SPEF2: variants seen among roughly 807,000 people sequenced by gnomAD.
SPEF2 encodes sperm flagellar and cilia associated 2, also known as sperm flagella and cilia-associated protein 2.
A neutral mutation model predicts 224.6 loss-of-function variants in SPEF2; 187 were observed. That is an observed-to-expected ratio of 0.83 (90% CI 0.74 to 0.94). The LOEUF (loss-of-function observed/expected upper bound fraction) is 0.94, where lower values mean the gene tolerates loss of function less well. SPEF2 is among the 40% of genes least tolerant of loss of function. The probability of loss-of-function intolerance (pLI) is 0.00; values close to 1 mark genes in which losing one functional copy is unlikely to be tolerated. For synonymous variants in SPEF2, 715 were observed against 707.3 expected, an observed-to-expected ratio of 1.01 and a Z score of -0.17; for missense variants, 2,170 against 2,135.6, an observed-to-expected ratio of 1.02 and a Z score of -0.32.
At chr5:35,742,212 A>G (rs1428819334) in intron 23 of SPEF2, among the ~76,000 whole-genome samples, 1 of 152,154 alleles carries the variant, frequency 6.6e-6, no homozygotes, top group Non-Finnish European at 1.5e-5. Context: ...ACAGATTTCT[A>G]TGTTTAGTCA....
rs1198007271 is a variant in SPEF2 at position 35,687,740 on chromosome 5, ATTAAG to A, written c.1525-3293_1525-3289del. Among the ~76,000 whole-genome samples, 7 of 152,310 alleles carry A rather than the reference ATTAAG, an allele frequency of 4.6e-5. No homozygotes were observed. The East Asian group carries it at 1.3e-3, about 29-fold the overall frequency. Reference sequence around the variant, plus strand: ...ACTAGCACTTTTGTTGTCATTAAACATTAAGTTAGATTAATTTGGAGGAGAATTAA... The same window carrying A: ...ACTAGCACTTTTGTTGTCATTAAACATTAGATTAATTTGGAGGAGAATTAA... On this transcript the variant is annotated intron_variant, in intron 10 of 36. Transcript: ENST00000356031.
chr5:35,775,081 A>T (rs929126529), intron 28 of SPEF2, among the ~76,000 whole-genome samples: 1 of 152,184 alleles, frequency 6.6e-6, no homozygotes, highest in Non-Finnish European at 1.5e-5. Flanking sequence ...GGAGACACAC[A>T]TTTATATGTA....
intron 3 of SPEF2, among the ~76,000 whole-genome samples, chr5:35,641,912 C>G (rs1746673603): frequency 6.6e-6 from 1 of 152,160 alleles, no homozygotes; most frequent in Middle Eastern, 3.4e-3. Context: ...AAACTCTTTT[C>G]CTAGTTTCCA....
At chr5:35,742,051 T>G (rs950216866) in intron 23 of SPEF2, among the ~76,000 whole-genome samples, 4 of 152,246 alleles carry the variant, frequency 2.6e-5, no homozygotes, top group Admixed American at 6.5e-5. Context: ...CAATGGTGGT[T>G]GTTTTTACAA....
At chr5:35,642,099 C>T (rs901927470) in intron 3 of SPEF2, among the ~76,000 whole-genome samples, 3 of 152,130 alleles carry the variant, frequency 2.0e-5, no homozygotes, top group Non-Finnish European at 4.4e-5. Context: ...CATATCTGCT[C>T]AGATCTTCTT....
At chr5:35,728,311 G>A (rs904364937) in intron 21 of SPEF2, among the ~76,000 whole-genome samples, 24 of 152,168 alleles carry the variant, frequency 1.6e-4, no homozygotes, top group African/African-American at 5.8e-4. Flanking sequence ...CTGGTGTAAG[G>A]CAAGGAGATG....
intron 23 of SPEF2, among the ~76,000 whole-genome samples, 164 bp from the exon 24 acceptor site, chr5:35,753,460 A>G (rs1481187300): frequency 2.6e-5 from 4 of 152,232 alleles, no homozygotes; most frequent in Non-Finnish European, 5.9e-5. Flanking sequence ...AAGAGACTCA[A>G]GATGAATATT....
chr5:35,675,329 A>T (rs1248946371), intron 10 of SPEF2, among the ~76,000 whole-genome samples: 1 of 152,206 alleles, frequency 6.6e-6, no homozygotes, highest in South Asian at 2.1e-4. Context: ...AATAGAAAGG[A>T]GCTGGGAAGG....
At chr5:35,628,735 G>A (rs1744636929) in intron 2 of SPEF2, among the ~76,000 whole-genome samples, 173 bp downstream of exon 2, 1 of 152,058 alleles carries the variant, frequency 6.6e-6, no homozygotes, top group Non-Finnish European at 1.5e-5. Flanking sequence ...GGGACTACAG[G>A]TGCATGCCAC....
chr5:35,788,538 G>T, intron 30 of SPEF2: 1 of 702,522 alleles, frequency 1.4e-6, no homozygotes, highest in Non-Finnish European at 2.6e-6. Context: ...AAGGTGCACT[G>T]TCAAATTGTT....
At chr5:35,767,146 G>A (rs1752194981) in intron 26 of SPEF2, among the ~76,000 whole-genome samples, 1 of 151,712 alleles carries the variant, frequency 6.6e-6, no homozygotes, top group South Asian at 2.1e-4. Flanking sequence ...GAATTATGAA[G>A]AGAGTTATAA....
chr5:35,644,388 T>A lies in SPEF2; in HGVS notation c.448T>A (p.Phe150Ile). The change falls in exon 4 of 37, where the codon TTC becomes ATC. Residue 150 changes from phenylalanine to isoleucine, a missense_variant. Coordinates refer to ENST00000356031, the MANE Select transcript of SPEF2 (RefSeq NM_024867.4). ...LRHMIPRQTD[F>I]NLMRITYRFQ... The stretch of plus-strand genomic sequence containing the variant: ...ACACATGATACCACGTCAAACTGAT[T>A]TCAATCTGATGCGGATTACATACAG... The A allele has an allele frequency of 6.2e-7, 1 of 1,603,164 alleles. No individual in the cohort carries two copies. The highest frequency in any genetic ancestry group is 8.5e-7 in the Non-Finnish European group (1 of 1,174,934).
chr5:35,725,201 C>T (rs1431087550), intron 20 of SPEF2, among the ~76,000 whole-genome samples: 1 of 152,198 alleles, frequency 6.6e-6, no homozygotes, highest in East Asian at 1.9e-4. Flanking sequence ...TTATTTAAGA[C>T]ACTCTAAATC....
chr5:35,626,100 C>T (rs754149249), intron 1 of SPEF2, among the ~76,000 whole-genome samples: 7 of 152,074 alleles, frequency 4.6e-5, no homozygotes, highest in Admixed American at 2.6e-4. Flanking sequence ...GTGTTCCAGG[C>T]GGTACAATAG....
Position 35,621,756 on chromosome 5 carries a change from G to C in SPEF2, c.58+3701G>C, listed in dbSNP as rs577284915. 3.3e-5 allele frequency among the ~76,000 whole-genome samples: 5 copies of C among 152,300 alleles called. No individual in the cohort carries two copies. The East Asian group carries it at 7.7e-4, about 23-fold the overall frequency. On this transcript the variant is annotated intron_variant, in intron 1 of 36. Coordinates refer to ENST00000356031, the MANE Select transcript of SPEF2 (RefSeq NM_024867.4). ...AGAATGCCAAGCCTGTGCATTTGCTGCCTTATGGGGCTAAATAATGGTTCA... is the reference window on the plus strand; with the variant it reads ...AGAATGCCAAGCCTGTGCATTTGCTCCCTTATGGGGCTAAATAATGGTTCA...
intron 3 of SPEF2, among the ~76,000 whole-genome samples, chr5:35,642,871 C>T (rs921185549): frequency 2.6e-5 from 4 of 152,156 alleles, no homozygotes; most frequent in African/African-American, 9.7e-5. Flanking sequence ...GCAGAATGGA[C>T]TCAGCGCTCC....
At chr5:35,808,239 C>G in intron 36 of SPEF2, 1 of 815,268 alleles carries the variant, frequency 1.2e-6, no homozygotes, top group Non-Finnish European at 1.5e-6. Flanking sequence ...ATTAGTATAA[C>G]TGAAGTTGAT....
intron 6 of SPEF2, among the ~76,000 whole-genome samples, chr5:35,652,078 A>T (rs924021295): frequency 6.6e-6 from 1 of 152,218 alleles, no homozygotes; most frequent in African/African-American, 2.4e-5. Context: ...CTAATAGATT[A>T]TACACATACA....
In SPEF2 at chr5:35,814,466, T is replaced by C; in HGVS notation, c.5382T>C (p.Asp1794=). 2.5e-6 allele frequency: 4 copies of C among 1,584,952 alleles called. No homozygotes were observed. Among genetic ancestry groups the C allele is most frequent in the Middle Eastern group, 1.7e-4 (1 of 5,996 alleles). The change falls in exon 37 of 37, where the codon GAT becomes GAC. Residue 1794 remains aspartate (D), a splice_region_variant and synonymous_variant. Coordinates refer to ENST00000356031, the MANE Select transcript of SPEF2 (RefSeq NM_024867.4). ...TCTCTTTGAATCTTTTGTCTTAGGA[T>C]ATTAAAATAATTCTCCAAAGGAGTG... is the stretch of plus-strand genomic sequence containing the variant. ...ISNYSDYKFP[D]IKIILQRSEH...
Sources: gnomAD v4.1 joint callset for allele counts (sites outside exome capture counted in the v4.1 genomes callset) on GRCh38, gnomAD v4.1.1 for gene constraint, MANE v1.5 for transcripts, NCBI Gene and HGNC (gene_info 2026-07-23, HGNC 2026-07-21) for gene names.